The following ZDHHC23 variants were observed in gnomAD, a reference collection of about 807,000 sequenced individuals.
ZDHHC23 encodes zDHHC palmitoyltransferase 23, also known as palmitoyltransferase ZDHHC23.
ZDHHC23 carries 41 observed loss-of-function variants against 40.2 expected under a neutral mutation model. That is an observed-to-expected ratio of 1.02 (90% CI 0.79 to 1.32). ZDHHC23 has a LOEUF of 1.32. ZDHHC23 is among the 40% of genes most tolerant of loss of function. The probability of loss-of-function intolerance (pLI) is 0.00; values close to 1 mark genes in which losing one functional copy is unlikely to be tolerated. For synonymous variants in ZDHHC23, 204 were observed against 210.2 expected (o/e 0.97, Z 0.26); for missense variants, 471 against 541.5 (o/e 0.87, Z 1.29).
Position 113,960,374 on chromosome 3 carries a change from C to T in ZDHHC23, c.*1744C>T. On this transcript the variant is annotated 3_prime_UTR_variant, in exon 5 of 5. Coordinates refer to ENST00000638807, the MANE Select transcript of ZDHHC23 (RefSeq NM_001320466.2). The stretch of plus-strand genomic sequence containing the variant: ...TTGTACAGTGATGCCTTCTCCCTGG[C>T]CCAGAGCTGAATATTCATCTAGAAT... 1 of 1,167,990 alleles carries T rather than the reference C, an allele frequency of 8.6e-7. No individual in the cohort carries two copies. Among genetic ancestry groups the T allele is most frequent in the Non-Finnish European group, 1.1e-6 (1 of 944,468 alleles). The allele number at this position is 1,167,990 out of a possible 1,614,324, so 72.4% of individuals were successfully genotyped here.
chr3:113,958,827 A>T lies in ZDHHC23; in HGVS notation c.*197A>T. On this transcript the variant is annotated 3_prime_UTR_variant, in exon 5 of 5. Transcript: ENST00000638807. Reference sequence around the variant, plus strand: ...GAGACTTTTATACTGAGGCAGTAAAAGTAGAGCCATTCCTTTCCAGTCACC... The same window carrying T: ...GAGACTTTTATACTGAGGCAGTAAATGTAGAGCCATTCCTTTCCAGTCACC... 7.0e-7 allele frequency: 1 copy of T among 1,419,722 alleles called. No homozygotes were observed. The highest frequency in any genetic ancestry group is 1.2e-5 in the South Asian group (1 of 83,280). 87.9% of individuals were successfully genotyped at this position (1,419,722 alleles called of 1,614,324 possible).
Position 113,959,198 on chromosome 3 carries a change from T to G in ZDHHC23, c.*568T>G. On this transcript the variant is annotated 3_prime_UTR_variant, in exon 5 of 5. Transcript: ENST00000638807. ...TATTATGATGGAAGAAAAACGTTTA[T>G]AGTCTAGAATATTGAAGCCAATATT... 2.8e-6 allele frequency: 3 copies of G among 1,064,436 alleles called. No individual in the cohort carries two copies. The highest frequency in any genetic ancestry group is 3.4e-6 in the Non-Finnish European group (3 of 873,920). 65.9% of individuals were successfully genotyped at this position (1,064,436 alleles called of 1,614,324 possible).
In ZDHHC23 at chr3:113,960,711, C is replaced by T; in HGVS notation, c.*2081C>T. The T allele has an allele frequency of 1.2e-6, 2 of 1,603,166 alleles. No homozygotes were observed. Among genetic ancestry groups the T allele is most frequent in the Non-Finnish European group, 1.7e-6 (2 of 1,175,728 alleles). On this transcript the variant is annotated 3_prime_UTR_variant, in exon 5 of 5. Transcript: ENST00000638807. Reference sequence around the variant, plus strand: ...ATGACAATTTTTTTTAACAACTTACCTCTAATAGGGTTACTTGGATGAGCC... The same window carrying T: ...ATGACAATTTTTTTTAACAACTTACTTCTAATAGGGTTACTTGGATGAGCC...
rs567969212 is a variant in ZDHHC23 at position 113,958,528 on chromosome 3, C to G, written c.1206C>G (p.Ile402Met). 3 of 1,613,512 alleles carry G rather than the reference C, an allele frequency of 1.9e-6. No homozygotes were observed. The highest frequency in any genetic ancestry group is 1.1e-5 in the South Asian group (1 of 91,072). The change falls in exon 5 of 5, where the codon ATC (isoleucine) becomes ATG (methionine). Residue 402 changes from isoleucine (I) to methionine (M), a missense_variant. Transcript: ENST00000638807. ...KTGRRLLCGL[I>M]VDTGQYNRGF... ...GGCGCCGGCTCCTCTGCGGGCTCAT[C>G]GTGGACACAGGCCAGTACAATAGGG...
At chr3:113,970,037 A>T (rs1308012566), downstream of ZDHHC23, among the ~76,000 whole-genome samples, 1 of 152,092 alleles carries the variant, frequency 6.6e-6, no homozygotes, top group East Asian at 1.9e-4. Flanking sequence ...TCAGTGTTTT[A>T]TAGTTCTCAG....
chr3:113,967,791 C>A (rs114471130), downstream of ZDHHC23, among the ~76,000 whole-genome samples: 1,527 of 152,248 alleles, frequency 0.01, 29 homozygotes, highest in African/African-American at 0.034. Context: ...ATCCACCTCC[C>A]AACCTCTACC....
downstream of ZDHHC23, among the ~76,000 whole-genome samples, chr3:113,963,922 T>C (rs1376104925): frequency 1.3e-4 from 18 of 140,438 alleles, no homozygotes; most frequent in Admixed American, 1.4e-3. Flanking sequence ...CCATTCATCT[T>C]GAAAAACACA....
intron 1 of ZDHHC23, 92 bp downstream of exon 1, chr3:113,948,282 C>T (rs2107412039): frequency 1.3e-5 from 2 of 153,468 alleles, no homozygotes; most frequent in African/African-American, 4.8e-5. Context: ...GAGGCGCACC[C>T]TGCAAGGGGC....
chr3:113,948,886 C>G lies in ZDHHC23; in HGVS notation c.84C>G (p.Tyr28Ter). 10 of 1,614,186 alleles carry G rather than the reference C, an allele frequency of 6.2e-6. No individual in the cohort carries two copies. The highest frequency in any genetic ancestry group is 8.5e-6 in the Non-Finnish European group (10 of 1,180,044). Reference protein sequence around the residue: ...PELEPLCCCEYIDRNGEKNHV... With the variant: ...PELEPLCCCE Reference sequence around the variant, plus strand: ...TGGAGCCCCTGTGCTGCTGCGAGTACATAGATCGGAATGGGGAAAAGAACC... The same window carrying G: ...TGGAGCCCCTGTGCTGCTGCGAGTAGATAGATCGGAATGGGGAAAAGAACC... The change falls in exon 2 of 5, where the codon TAC becomes TAG. Residue 28 changes from tyrosine (Y) to a stop codon, truncating the protein, a stop_gained. Coordinates refer to ENST00000638807, the MANE Select transcript of ZDHHC23 (RefSeq NM_001320466.2). LOFTEE classifies it high-confidence loss of function.
chr3:113,971,574 G>A, the ZDHHC23 span, among the ~76,000 whole-genome samples: 1 of 152,128 alleles, frequency 6.6e-6, no homozygotes, highest in Admixed American at 6.5e-5. Context: ...ATTGAATTTG[G>A]TTTGCCGGTA....
At position 113,958,646 on chromosome 3, in the gene ZDHHC23, GCTCT is replaced by G. The variant is rs774723226; in HGVS notation, c.*19_*22del. 2.0e-5 allele frequency: 32 copies of G among 1,593,810 alleles called. No homozygotes were observed. The highest frequency in any genetic ancestry group is 3.3e-4 in the Middle Eastern group (2 of 6,042). On this transcript the variant is annotated 3_prime_UTR_variant, in exon 5 of 5. Transcript: ENST00000638807. ...CATTGTCTGAAGTGCCTTCTATGTG[GCTCT>G]CTGAGGGATGATGGCTCCTCCTTCC...
chr3:113,952,061 C>G (rs1025639521), intron 2 of ZDHHC23, among the ~76,000 whole-genome samples: 1 of 152,036 alleles, frequency 6.6e-6, no homozygotes, highest in Admixed American at 6.5e-5. Context: ...CGCTTGAACT[C>G]AGGAGGTGGA....
chr3:113,964,698 G>A (rs1354217759), downstream of ZDHHC23: 1 of 152,366 alleles, frequency 6.6e-6, no homozygotes, highest in Admixed American at 6.5e-5. Flanking sequence ...GACGAGGTCT[G>A]GTGGGGTGCG....
chr3:113,972,698 A>C, the ZDHHC23 span, among the ~76,000 whole-genome samples: 1 of 152,016 alleles, frequency 6.6e-6, no homozygotes, highest in Non-Finnish European at 1.5e-5. Flanking sequence ...TATTGCAGTT[A>C]TCTCTCCCTT....
downstream of ZDHHC23, among the ~76,000 whole-genome samples, chr3:113,968,852 C>T (rs1940502574): frequency 6.6e-6 from 1 of 152,024 alleles, no homozygotes; most frequent in Admixed American, 6.6e-5. Flanking sequence ...TTTTAGTCCA[C>T]TTGTGTTGCT....
intron 3 of ZDHHC23, among the ~76,000 whole-genome samples, chr3:113,954,704 T>C (rs940485079): frequency 5.9e-5 from 9 of 152,170 alleles, no homozygotes; most frequent in African/African-American, 1.9e-4. Context: ...TAGAGAAATA[T>C]CTACAGTTGA....
intron 4 of ZDHHC23, chr3:113,957,549 G>A (rs572022754): frequency 2.6e-6 from 1 of 388,616 alleles, no homozygotes; most frequent in Non-Finnish European, 5.1e-6. Flanking sequence ...GGGAACCGAG[G>A]AATACAGTCC....
At chr3:113,957,930 T>C (rs982344950) in intron 4 of ZDHHC23, 3 of 450,452 alleles carry the variant, frequency 6.7e-6, no homozygotes, top group East Asian at 5.6e-5. Context: ...GAATGGAGAT[T>C]AGTAACTTTA....
At chr3:113,971,557 A>G in the ZDHHC23 span, among the ~76,000 whole-genome samples, 1 of 152,086 alleles carries the variant, frequency 6.6e-6, no homozygotes, top group South Asian at 2.1e-4. Flanking sequence ...GTTCTTTTCA[A>G]CGTGTTATTG....
Sources: allele counts gnomAD v4.1 joint callset (sites outside exome capture counted in the v4.1 genomes callset), GRCh38; gene constraint gnomAD v4.1.1; transcripts MANE v1.5; gene names NCBI Gene and HGNC (gene_info 2026-07-23, HGNC 2026-07-21).